CHRM3: variants seen among roughly 807,000 people sequenced by gnomAD.
CHRM3 encodes cholinergic receptor muscarinic 3, also known as muscarinic acetylcholine receptor M3.
A neutral mutation model predicts 41.8 loss-of-function variants in CHRM3; 11 were observed. The ratio of observed to expected loss-of-function variants is 0.26; its 90% CI spans 0.17 to 0.44. The LOEUF (loss-of-function observed/expected upper bound fraction) is 0.44. CHRM3 is among the 20% of genes least tolerant of loss of function. The probability of loss-of-function intolerance (pLI) is 1.00; values close to 1 mark genes in which losing one functional copy is unlikely to be tolerated. For synonymous variants in CHRM3, 297 were observed against 301.4 expected (o/e 0.99, Z 0.15); for missense variants, 571 against 745.4 (o/e 0.77, Z 2.72).
At chr1:239,588,485 G>A (rs983248391) in intron 3 of CHRM3, among the ~76,000 whole-genome samples, 4 of 152,150 alleles carry the variant, frequency 2.6e-5, no homozygotes, top group Admixed American at 2.0e-4. Context: ...TCATAGAAAA[G>A]TTCAGTTATC....
intron 5 of CHRM3, among the ~76,000 whole-genome samples, chr1:239,715,312 G>C (rs1405721784): frequency 6.6e-6 from 1 of 152,114 alleles, no homozygotes; most frequent in African/African-American, 2.4e-5. Flanking sequence ...GAGGAAATAG[G>C]CTATGCACCA....
At position 239,606,501 on chromosome 1, in the gene CHRM3, C is replaced by A. The variant is rs377553489; in HGVS notation, c.-312-25723C>A. On this transcript the variant is annotated intron_variant, in intron 3 of 6. Coordinates refer to ENST00000676153, the MANE Select transcript of CHRM3 (RefSeq NM_001375978.1). ...ATGTTGGCCAGGCTGGTCTCAATCT[C>A]CTGACCTTGGGATCTGCCCGCCTTG... Among the ~76,000 whole-genome samples, 63 of 152,296 alleles carry A rather than the reference C, an allele frequency of 4.1e-4. 3 individuals are homozygous for A. The South Asian group carries it at 0.013, about 31-fold the overall frequency.
chr1:239,404,468 A>AAGAAAG (rs397954107), intron 1 of CHRM3, among the ~76,000 whole-genome samples: 4 of 90,294 alleles, frequency 4.4e-5, no homozygotes, highest in East Asian at 3.3e-4. Context: ...GAAAGAAAGA[A>AAGAAAG]AAAGAAAGAA....
At chr1:239,691,768 T>G (rs1659743590) in intron 5 of CHRM3, among the ~76,000 whole-genome samples, 1 of 152,184 alleles carries the variant, frequency 6.6e-6, no homozygotes, top group Admixed American at 6.5e-5. Context: ...ACATAAATAG[T>G]GAATTAAATG....
At chr1:239,606,691 C>T (rs1666337186) in intron 3 of CHRM3, among the ~76,000 whole-genome samples, 1 of 152,142 alleles carries the variant, frequency 6.6e-6, no homozygotes, top group Non-Finnish European at 1.5e-5. Context: ...AGTCCTGAGT[C>T]CTGGTACTCT....
intron 6 of CHRM3, among the ~76,000 whole-genome samples, chr1:239,844,406 A>G (rs1674093840): frequency 6.6e-6 from 1 of 152,246 alleles, no homozygotes; most frequent in South Asian, 2.1e-4. Context: ...CTACAAGGAA[A>G]GAAATACAGT....
chr1:239,643,104 C>G (rs979258263), intron 4 of CHRM3, among the ~76,000 whole-genome samples: 14 of 152,302 alleles, frequency 9.2e-5, no homozygotes, highest in African/African-American at 3.4e-4. Context: ...GCGAATCCTG[C>G]TGTCTGATCG....
At chr1:239,896,078 A>G (rs920511542) in intron 6 of CHRM3, among the ~76,000 whole-genome samples, 1 of 152,228 alleles carries the variant, frequency 6.6e-6, no homozygotes, top group East Asian at 1.9e-4. Context: ...CTCAAGGCAC[A>G]AACTTGAGTA....
intron 1 of CHRM3, among the ~76,000 whole-genome samples, chr1:239,437,659 C>G (rs1180713161): frequency 6.6e-6 from 1 of 152,152 alleles, no homozygotes; most frequent in Non-Finnish European, 1.5e-5. Flanking sequence ...ATCTCAGCCT[C>G]CTGAGTAACT....
At chr1:239,410,649 T>C (rs973191344) in intron 1 of CHRM3, among the ~76,000 whole-genome samples, 1 of 152,090 alleles carries the variant, frequency 6.6e-6, no homozygotes, top group African/African-American at 2.4e-5. Context: ...TCTGGAGGGG[T>C]TCTGCCCCGT....
chr1:239,557,550 ATGGTGCTT>A (rs1660478684), intron 3 of CHRM3, among the ~76,000 whole-genome samples: 1 of 152,162 alleles, frequency 6.6e-6, no homozygotes, highest in Non-Finnish European at 1.5e-5. Context: ...AATGCGTGGC[ATGGTGCTT>A]TGCTGCACCT....
chr1:239,739,740 G>T (rs1664682023), intron 5 of CHRM3, among the ~76,000 whole-genome samples: 1 of 151,998 alleles, frequency 6.6e-6, no homozygotes. Context: ...GTCATCTCAG[G>T]GAAAATAATG....
intron 6 of CHRM3, among the ~76,000 whole-genome samples, chr1:239,839,801 G>A (rs910872098): frequency 2.7e-4 from 35 of 128,314 alleles, no homozygotes; most frequent in Admixed American, 1.7e-3. Context: ...GTGGCGGGGC[G>A]GGGGGGGAGC....
chr1:239,408,521 C>CAAAAAAAA (rs371319364), intron 1 of CHRM3, among the ~76,000 whole-genome samples: 3 of 61,268 alleles, frequency 4.9e-5, no homozygotes, highest in African/African-American at 1.2e-4. Context: ...GAGACTCCGT[C>CAAAAAAAA]AAAAAAAAAA....
intron 1 of CHRM3, among the ~76,000 whole-genome samples, chr1:239,397,983 C>G (rs1374354496): frequency 1.3e-5 from 2 of 151,738 alleles, no homozygotes; most frequent in African/African-American, 4.8e-5. Flanking sequence ...AGAGATAAGT[C>G]TTCATAATGA....
Position 239,803,004 on chromosome 1 carries a change from C to A in CHRM3, c.-146-24248C>A, listed in dbSNP as rs561915051. On this transcript the variant is annotated intron_variant, in intron 5 of 6. Coordinates refer to ENST00000676153, the MANE Select transcript of CHRM3 (RefSeq NM_001375978.1). ...AGTAAAGCCTAAAATCCACTATATG[C>A]AATCTGTGGTCCATGCTAAACTTTG... 1.1e-3 allele frequency among the ~76,000 whole-genome samples: 171 copies of A among 152,326 alleles called. 2 individuals carry two copies. Among genetic ancestry groups the A allele is most frequent in the African/African-American group, 4.0e-3 (168 of 41,568 alleles).
intron 1 of CHRM3, among the ~76,000 whole-genome samples, chr1:239,476,126 T>TA (rs1666453932): frequency 1.3e-5 from 2 of 152,176 alleles, no homozygotes; most frequent in African/African-American, 4.8e-5. Flanking sequence ...ATTTGACTCT[T>TA]ATGAATGGTT....
chr1:239,784,506 T>C (rs1309764704), intron 5 of CHRM3, among the ~76,000 whole-genome samples: 3 of 152,202 alleles, frequency 2.0e-5, no homozygotes, highest in Admixed American at 1.3e-4. Context: ...TGTGGTGATA[T>C]AAGTACCTTA....
intron 3 of CHRM3, among the ~76,000 whole-genome samples, chr1:239,580,702 T>TATATATATATATATATATATATATATAC (rs1366394441): frequency 2.4e-5 from 3 of 125,780 alleles, no homozygotes; most frequent in Non-Finnish European, 5.0e-5. Flanking sequence ...TATATATATA[T>TATATATATATATATATATATATATATAC]ATACACACAC....
Sources: gnomAD v4.1 joint callset for allele counts (sites outside exome capture counted in the v4.1 genomes callset) on GRCh38, gnomAD v4.1.1 for gene constraint, MANE v1.5 for transcripts, NCBI Gene and HGNC (gene_info 2026-07-23, HGNC 2026-07-21) for gene names.